The following AR variants were observed in gnomAD, a reference collection of about 807,000 sequenced individuals.
AR encodes dihydrotestosterone receptor.
In AR, 8 loss-of-function variants were observed where a neutral mutation model predicts 53.9. The observed-to-expected ratio is 0.15, with a 90% confidence interval of 0.09 to 0.27. The LOEUF (loss-of-function observed/expected upper bound fraction) is 0.27. Among genes scored for constraint, AR ranks in the 10% least tolerant of loss-of-function variants. The pLI is 1.00. For synonymous variants in AR, 359 were observed against 316.4 expected, an observed-to-expected ratio of 1.13 and a Z score of -1.43; for missense variants, 639 against 742.5, an observed-to-expected ratio of 0.86 and a Z score of 1.62.
intron 1 of AR, among the ~76,000 whole-genome samples, chrX:67,550,418 T>A (rs1475996244): frequency 9.0e-6 from 1 of 111,103 alleles, no homozygotes; most frequent in African/African-American, 3.3e-5. Flanking sequence ...AAAACAAAAA[T>A]TCTTTGGTCT....
At chrX:67,586,172 A>G (rs2147360413) in intron 1 of AR, among the ~76,000 whole-genome samples, 1 of 111,626 alleles carries the variant, frequency 9.0e-6, no homozygotes, top group Non-Finnish European at 1.9e-5. Flanking sequence ...ATAATTTTCT[A>G]TGTACCCCTC....
intron 1 of AR, among the ~76,000 whole-genome samples, chrX:67,549,885 C>G (rs1467743637): frequency 9.0e-6 from 1 of 111,286 alleles, no homozygotes; most frequent in Non-Finnish European, 1.9e-5. Context: ...TTCCTCTTTC[C>G]TTCTCCTCTC....
At chrX:67,640,276 G>A (rs1031529916) in intron 1 of AR, among the ~76,000 whole-genome samples, 4 of 111,096 alleles carry the variant, frequency 3.6e-5, no homozygotes, top group African/African-American at 6.5e-5. Context: ...TTGGCCTGAC[G>A]TTTTCTTTTT....
intron 3 of AR, chrX:67,694,780 C>A (rs2076012024): frequency 2.6e-6 from 3 of 1,138,235 alleles, no homozygotes; most frequent in Non-Finnish European, 3.5e-6. Context: ...AGTGGATAGT[C>A]TGGAGAAACC....
intron 3 of AR, among the ~76,000 whole-genome samples, chrX:67,704,098 A>G (rs1027044187): frequency 4.3e-4 from 48 of 112,116 alleles, no homozygotes; most frequent in Non-Finnish European, 4.5e-4. Flanking sequence ...TAGTGCCACA[A>G]TAAACATATG....
At chrX:67,561,941 T>G (rs1474709371) in intron 1 of AR, among the ~76,000 whole-genome samples, 1 of 89,559 alleles carries the variant, frequency 1.1e-5, no homozygotes, top group Non-Finnish European at 2.2e-5. Context: ...TTTTTTTTTT[T>G]TTTTTTTTTT....
chrX:67,564,711 C>A (rs768597161), intron 1 of AR, among the ~76,000 whole-genome samples: 1 of 111,616 alleles, frequency 9.0e-6, no homozygotes, highest in African/African-American at 3.3e-5. Context: ...TCATTTAATT[C>A]TTTTCTTTTC....
intron 2 of AR, among the ~76,000 whole-genome samples, chrX:67,658,939 G>A (rs889835895): frequency 2.7e-5 from 3 of 111,883 alleles, no homozygotes; most frequent in African/African-American, 6.5e-5. Context: ...TGTATATGGG[G>A]AATTGGAGGG....
At chrX:67,598,317 G>C (rs1923177190) in intron 1 of AR, among the ~76,000 whole-genome samples, 2 of 100,951 alleles carry the variant, frequency 2.0e-5, no homozygotes, top group South Asian at 9.5e-4. Flanking sequence ...GAGTCTTGCT[G>C]TCTTGCCCAG....
At chrX:67,577,005 T>TC (rs1491513716) in intron 1 of AR, among the ~76,000 whole-genome samples, 156 of 83,620 alleles carry the variant, frequency 1.9e-3, no homozygotes, top group Non-Finnish European at 2.1e-3. Context: ...TCTCTCTCTC[T>TC]TTTTTTTTTT....
intron 1 of AR, among the ~76,000 whole-genome samples, chrX:67,625,616 T>C (rs1924591296): frequency 9.0e-6 from 1 of 111,586 alleles, no homozygotes; most frequent in South Asian, 3.7e-4. Flanking sequence ...TTAAGACCAA[T>C]TGACTTTCAA....
In AR at chrX:67,546,509, G is replaced by A; in HGVS notation, c.1363G>A (p.Gly455Ser). The change falls in exon 1 of 8, where the codon GGT (glycine) becomes AGT (serine). Residue 455 changes from glycine (G) to serine (S), a missense_variant. By Grantham distance (56) the Gly-to-Ser change is moderately conservative. Coordinates refer to ENST00000374690, the MANE Select transcript of AR (RefSeq NM_000044.6). Reference sequence around the variant, plus strand: ...GTATGGACCGTGTGGTGGTGGTGGGGGTGGTGGCGGCGGCGGCGGCGGCGG... The same window carrying A: ...GTATGGACCGTGTGGTGGTGGTGGGAGTGGTGGCGGCGGCGGCGGCGGCGG... ...QLYGPCGGGG[G>S]GGGGGGGGGG... The A allele has an allele frequency of 1.0e-6, 1 of 987,469 alleles. No individual in the cohort carries two copies. The highest frequency in any genetic ancestry group is 1.3e-6 in the Non-Finnish European group (1 of 781,529). 81.4% of individuals were successfully genotyped at this position (987,469 alleles called of 1,213,427 possible).
intron 3 of AR, among the ~76,000 whole-genome samples, chrX:67,688,858 AAAAG>A (rs774516304): frequency 3.6e-5 from 4 of 111,956 alleles, no homozygotes; most frequent in African/African-American, 9.7e-5. Flanking sequence ...CAAACAATGG[AAAAG>A]AAAGAAAGTG....
At chrX:67,693,476 TAA>T (rs1236235894) in intron 3 of AR, among the ~76,000 whole-genome samples, 7 of 112,629 alleles carry the variant, frequency 6.2e-5, no homozygotes, top group Admixed American at 2.8e-4. Context: ...ATTTATTATT[TAA>T]AAAGAGTGTC....
intron 1 of AR, among the ~76,000 whole-genome samples, chrX:67,599,723 T>A (rs1923256418): frequency 8.9e-6 from 1 of 112,441 alleles, no homozygotes; most frequent in Non-Finnish European, 1.9e-5. Flanking sequence ...GATTTTCTTT[T>A]TAGAGATTTC....
intron 2 of AR, among the ~76,000 whole-genome samples, chrX:67,649,300 G>T: frequency 8.9e-6 from 1 of 112,184 alleles, no homozygotes; most frequent in Non-Finnish European, 1.9e-5. Context: ...TTGGTTCCAA[G>T]TCTGTGCTAT....
intron 2 of AR, among the ~76,000 whole-genome samples, chrX:67,675,758 G>T (rs1577773): frequency 0.058 from 6,522 of 111,713 alleles, 477 homozygotes; most frequent in African/African-American, 0.2. Context: ...TACTGTGATT[G>T]CTCACCTGAT....
At chrX:67,547,160 C>A (rs112092624) in intron 1 of AR, among the ~76,000 whole-genome samples, 3,506 of 111,702 alleles carry the variant, frequency 0.031, 53 homozygotes, top group Non-Finnish European at 0.048. Context: ...TGGGCAATTT[C>A]TCCTCTTCAG....
At position 67,569,445 on chromosome X, in the gene AR, T is replaced by C. The variant is rs1011528775; in HGVS notation, c.1616+22683T>C. 4.3e-4 allele frequency among the ~76,000 whole-genome samples: 48 copies of C among 111,391 alleles called. 1 individual carries two copies. The highest frequency in any genetic ancestry group is 1.5e-3 in the African/African-American group (45 of 30,614). On this transcript the variant is annotated intron_variant, in intron 1 of 7. Coordinates refer to ENST00000374690, the MANE Select transcript of AR (RefSeq NM_000044.6). ...GTATGTGATTGTGTACCAGGGTATG[T>C]GTGTCTGTTATTGTGAGTTCATTTC...
Sources: gnomAD v4.1 joint callset for allele counts (sites outside exome capture counted in the v4.1 genomes callset) on GRCh38, gnomAD v4.1.1 for gene constraint, MANE v1.5 for transcripts, NCBI Gene and HGNC (gene_info 2026-07-23, HGNC 2026-07-21) for gene names.